Variants in STT3B observed in about 807,000 individuals in gnomAD.
The protein encoded by STT3B is dolichyl-diphosphooligosaccharide--protein glycosyltransferase subunit STT3B.
Under a neutral mutation model 96.8 loss-of-function variants are expected in STT3B, and 29 were observed. The observed-to-expected ratio is 0.30, with a 90% CI of 0.22 to 0.41. The LOEUF (loss-of-function observed/expected upper bound fraction) is 0.41. Among genes scored for constraint, STT3B ranks in the 10% least tolerant of loss-of-function variants. The pLI is 1.00. For missense variants in STT3B, 640 were observed against 1,022.3 expected (o/e 0.63, Z 5.10); for synonymous variants, 367 against 360.0 (o/e 1.02, Z -0.22).
At chr3:31,564,465 C>G (rs1461115749) in intron 1 of STT3B, among the ~76,000 whole-genome samples, 1 of 152,176 alleles carries the variant, frequency 6.6e-6, no homozygotes, top group African/African-American at 2.4e-5. Flanking sequence ...TACTTAACCT[C>G]TTTGTGCTTC....
intron 1 of STT3B, among the ~76,000 whole-genome samples, chr3:31,542,838 G>A (rs1219063734): frequency 1.3e-5 from 2 of 152,096 alleles, no homozygotes; most frequent in South Asian, 2.1e-4. Context: ...TGGGTTACAC[G>A]AGGGTGGATC....
chr3:31,602,475 T>A (rs745475403), intron 5 of STT3B, among the ~76,000 whole-genome samples: 59 of 152,034 alleles, frequency 3.9e-4, no homozygotes, highest in Non-Finnish European at 5.7e-4. Flanking sequence ...AATGCCATGA[T>A]TCAGGAAGAA....
At chr3:31,621,967 T>C in intron 9 of STT3B, 130 bp from the exon 10 acceptor site, 1 of 659,286 alleles carries the variant, frequency 1.5e-6, no homozygotes, top group Admixed American at 2.5e-5. Context: ...GTAGTATCAA[T>C]TTAGAAACAA....
At chr3:31,569,910 A>T (rs1014541512) in intron 1 of STT3B, among the ~76,000 whole-genome samples, 1 of 151,984 alleles carries the variant, frequency 6.6e-6, no homozygotes, top group Non-Finnish European at 1.5e-5. Flanking sequence ...TATAAATTTT[A>T]TAAGTACATA....
chr3:31,541,341 ATGACATCC>A (rs1310307925), intron 1 of STT3B, among the ~76,000 whole-genome samples: 2 of 152,172 alleles, frequency 1.3e-5, no homozygotes, highest in Non-Finnish European at 2.9e-5. Flanking sequence ...CTTTATAGTG[ATGACATCC>A]TTCCTTTTTC....
intron 15 of STT3B, among the ~76,000 whole-genome samples, chr3:31,634,854 T>C (rs979677991): frequency 1.3e-5 from 2 of 152,280 alleles, no homozygotes; most frequent in Middle Eastern, 3.4e-3. Context: ...CTAGATCTGG[T>C]TTGAATTTTT....
chr3:31,535,886 T>G (rs1342296727), intron 1 of STT3B, among the ~76,000 whole-genome samples: 1 of 152,236 alleles, frequency 6.6e-6, no homozygotes, highest in Non-Finnish European at 1.5e-5. Context: ...TGACATTTCT[T>G]AATTAAATGT....
intron 1 of STT3B, among the ~76,000 whole-genome samples, chr3:31,547,050 A>G (rs1414009697): frequency 6.6e-6 from 1 of 152,202 alleles, no homozygotes; most frequent in African/African-American, 2.4e-5. Flanking sequence ...GGAAGAATTT[A>G]CAAGTATTTT....
intron 5 of STT3B, among the ~76,000 whole-genome samples, chr3:31,614,375 A>C (rs1224752093): frequency 1.3e-5 from 2 of 152,032 alleles, no homozygotes; most frequent in African/African-American, 4.8e-5. Context: ...TGGTCTGTGA[A>C]TATAAAGCAG....
chr3:31,538,992 G>A (rs574523581), intron 1 of STT3B, among the ~76,000 whole-genome samples: 14 of 152,082 alleles, frequency 9.2e-5, no homozygotes, highest in Admixed American at 2.6e-4. Flanking sequence ...AGCGTTGGGG[G>A]AGATAGGATC....
chr3:31,534,015 T>C (rs1697021027), intron 1 of STT3B, among the ~76,000 whole-genome samples: 1 of 152,098 alleles, frequency 6.6e-6, no homozygotes, highest in Non-Finnish European at 1.5e-5. Flanking sequence ...TTTTAAAGAG[T>C]GGCTTTTTTT....
rs537107425 is a variant in STT3B, at chr3:31,616,293, A to C, written c.977-636A>C. On this transcript the variant is annotated intron_variant, in intron 6 of 15. Coordinates refer to ENST00000295770, the MANE Select transcript of STT3B (RefSeq NM_178862.3). ...TTAGAAGGACCCCTCTGGAATGAGG[A>C]TCTTATAACCTACTTACAGGAAGGT... Among the ~76,000 whole-genome samples, 3 of 151,964 alleles carry C rather than the reference A, an allele frequency of 2.0e-5. No individual in the cohort carries two copies. In the South Asian group the frequency reaches 6.2e-4, roughly 32 times the overall value.
chr3:31,629,180 A>T (rs1044844705), intron 13 of STT3B, 118 bp from the exon 14 acceptor site: 4 of 661,752 alleles, frequency 6.0e-6, no homozygotes, highest in Non-Finnish European at 1.1e-5. Context: ...GTGTAACTGA[A>T]TATGGCTTTA....
At chr3:31,626,364 C>T (rs1376673875) in intron 13 of STT3B, among the ~76,000 whole-genome samples, 2 of 152,190 alleles carry the variant, frequency 1.3e-5, no homozygotes, top group African/African-American at 4.8e-5. Context: ...GCCAAGACTT[C>T]TTACTTTTAC....
intron 4 of STT3B, 48 bp downstream of exon 4, chr3:31,596,911 G>A: frequency 7.5e-7 from 1 of 1,341,754 alleles, no homozygotes; most frequent in Admixed American, 2.0e-5. Flanking sequence ...GGTCTCTGGA[G>A]GTTAAAACAG....
intron 1 of STT3B, among the ~76,000 whole-genome samples, chr3:31,545,030 T>C (rs1385360200): frequency 6.6e-6 from 1 of 152,162 alleles, no homozygotes; most frequent in African/African-American, 2.4e-5. Context: ...AAGATGATTT[T>C]TACTCTAGAC....
At chr3:31,607,752 G>GGTT (rs1553606843) in intron 5 of STT3B, among the ~76,000 whole-genome samples, 78 of 32,328 alleles carry the variant, frequency 2.4e-3, no homozygotes, top group African/African-American at 3.8e-3. Context: ...GTTTTTGGGG[G>GGTT]GTTGTTGTGG....
chr3:31,577,505 T>C (rs1442318214), intron 2 of STT3B, among the ~76,000 whole-genome samples: 6 of 152,176 alleles, frequency 3.9e-5, no homozygotes, highest in African/African-American at 1.2e-4. Flanking sequence ...TTTTTTGCTT[T>C]GTACTTCAAA....
At chr3:31,622,471 G>T (rs772444744) in intron 10 of STT3B, among the ~76,000 whole-genome samples, 163 bp downstream of exon 10, 1 of 152,138 alleles carries the variant, frequency 6.6e-6, no homozygotes, top group Non-Finnish European at 1.5e-5. Context: ...ATGAATCCTG[G>T]TCAGTCCTTT....
Sources: gnomAD v4.1 joint callset for allele counts (sites outside exome capture counted in the v4.1 genomes callset) on GRCh38, gnomAD v4.1.1 for gene constraint, MANE v1.5 for transcripts, NCBI Gene and HGNC (gene_info 2026-07-23, HGNC 2026-07-21) for gene names.